Variants in EDIL3 observed in about 807,000 individuals in gnomAD.
EDIL3 encodes the protein EGF like and discoidin domains 3, also known as EGF-like repeat and discoidin I-like domain-containing protein 3.
Under a neutral mutation model 67.4 loss-of-function variants are expected in EDIL3, and 37 were observed. That is an observed-to-expected ratio of 0.55 (90% CI 0.42 to 0.72). The LOEUF is 0.72. Ranked by LOEUF, EDIL3 falls within the 30% of genes least tolerant of loss-of-function variation. The pLI, the probability that EDIL3 is intolerant of heterozygous loss-of-function variation, is 0.00. For missense variants in EDIL3, 527 were observed against 586.3 expected (o/e 0.90, Z 1.04); for synonymous variants, 195 against 196.3 (o/e 0.99, Z 0.05).
chr5:84,157,110 T>C (rs541073762), intron 4 of EDIL3, among the ~76,000 whole-genome samples: 1 of 152,254 alleles, frequency 6.6e-6, no homozygotes, highest in South Asian at 2.1e-4. Context: ...AGGATGTTTT[T>C]TTACCATTTT....
At chr5:84,343,702 C>T (rs1408055795) in intron 1 of EDIL3, among the ~76,000 whole-genome samples, 1 of 151,996 alleles carries the variant, frequency 6.6e-6, no homozygotes, top group African/African-American at 2.4e-5. Context: ...GATGTGTCTA[C>T]AGGAGACGTC....
At chr5:84,030,191 T>C (rs1034201015) in intron 9 of EDIL3, among the ~76,000 whole-genome samples, 2 of 152,228 alleles carry the variant, frequency 1.3e-5, no homozygotes, top group Non-Finnish European at 2.9e-5. Flanking sequence ...AAGATACTTT[T>C]GTTTTTCTTT....
intron 4 of EDIL3, among the ~76,000 whole-genome samples, chr5:84,166,188 C>T (rs1748700070): frequency 6.6e-6 from 1 of 152,166 alleles, no homozygotes; most frequent in African/African-American, 2.4e-5. Flanking sequence ...ATCTAATAAA[C>T]ACTGACAATC....
Position 84,130,424 on chromosome 5 carries a change from T to C in EDIL3, c.469+6817A>G, listed in dbSNP as rs555616996. On this transcript the variant is annotated intron_variant, in intron 5 of 10. Coordinates refer to ENST00000296591, the MANE Select transcript of EDIL3 (RefSeq NM_005711.5). ...CTAAGAAAAGCTCAGTAAATATTTGTGGCTAGTTTATTTGATCATATAATT... is the reference window on the plus strand; with the variant it reads ...CTAAGAAAAGCTCAGTAAATATTTGCGGCTAGTTTATTTGATCATATAATT... Among the ~76,000 whole-genome samples the C allele has an allele frequency of 2.6e-5, 4 of 152,286 alleles. No homozygotes were observed. The East Asian group carries it at 7.7e-4, about 29-fold the overall frequency.
chr5:84,057,483 G>T (rs1200579209), intron 9 of EDIL3, among the ~76,000 whole-genome samples: 2 of 151,924 alleles, frequency 1.3e-5, no homozygotes, highest in Non-Finnish European at 2.9e-5. Flanking sequence ...TACATGACTG[G>T]AATATTTACA....
intron 6 of EDIL3, among the ~76,000 whole-genome samples, chr5:84,091,808 C>A (rs970071589): frequency 1.3e-5 from 2 of 152,136 alleles, no homozygotes; most frequent in Admixed American, 1.3e-4. Flanking sequence ...TTGCAAGAAG[C>A]CCTGATGCAG....
chr5:84,182,435 G>C (rs1442423098), intron 3 of EDIL3, among the ~76,000 whole-genome samples: 1 of 151,442 alleles, frequency 6.6e-6, no homozygotes, highest in African/African-American at 2.4e-5. Flanking sequence ...CAGCCTGTGT[G>C]ACAGAATGAG....
At chr5:84,100,598 G>A (rs983184913) in intron 6 of EDIL3, among the ~76,000 whole-genome samples, 3 of 152,048 alleles carry the variant, frequency 2.0e-5, no homozygotes, top group Non-Finnish European at 2.9e-5. Context: ...GGGAGGGATC[G>A]CATTAGGAGA....
At chr5:84,038,236 C>T (rs1746059305) in intron 9 of EDIL3, among the ~76,000 whole-genome samples, 1 of 152,016 alleles carries the variant, frequency 6.6e-6, no homozygotes, top group African/African-American at 2.4e-5. Context: ...GGCCAGTCTG[C>T]ACCCAGCCTA....
chr5:84,321,559 A>C (rs774224337), intron 1 of EDIL3, among the ~76,000 whole-genome samples: 44 of 152,286 alleles, frequency 2.9e-4, no homozygotes, highest in Non-Finnish European at 5.6e-4. Flanking sequence ...AGCTCTTAGC[A>C]CAATAGCAGC....
At position 84,122,158 on chromosome 5, in the gene EDIL3, CTAAGA is replaced by C. The variant is rs1017367357; in HGVS notation, c.469+15078_469+15082del. Reference sequence around the variant, plus strand: ...CATCCAATATCTTTCTCTTCTGCAACTAAGATAAGTAATATCTAAATGTGTTGATT... The same window carrying C: ...CATCCAATATCTTTCTCTTCTGCAACTAAGTAATATCTAAATGTGTTGATT... On this transcript the variant is annotated intron_variant, in intron 5 of 10. Coordinates refer to ENST00000296591, the MANE Select transcript of EDIL3 (RefSeq NM_005711.5). Among the ~76,000 whole-genome samples, 8 of 152,074 alleles carry C rather than the reference CTAAGA, an allele frequency of 5.3e-5. 1 individual carries two copies. The highest frequency in any genetic ancestry group is 2.0e-4 in the Admixed American group (3 of 15,254).
intron 1 of EDIL3, among the ~76,000 whole-genome samples, chr5:84,326,773 A>C: frequency 6.6e-6 from 1 of 151,956 alleles, no homozygotes; most frequent in Middle Eastern, 3.4e-3. Flanking sequence ...TATTTCAGCT[A>C]CTTTTATCTT....
chr5:84,323,155 A>T (rs1746684115), intron 1 of EDIL3, among the ~76,000 whole-genome samples: 1 of 152,044 alleles, frequency 6.6e-6, no homozygotes, highest in Non-Finnish European at 1.5e-5. Flanking sequence ...TATTATTGTA[A>T]CTTTGGTTTG....
intron 5 of EDIL3, among the ~76,000 whole-genome samples, chr5:84,135,725 C>A (rs943273021): frequency 6.6e-6 from 1 of 152,130 alleles, no homozygotes; most frequent in Non-Finnish European, 1.5e-5. Context: ...TATGGTCAAC[C>A]TACTTACTCA....
Position 84,141,928 on chromosome 5 carries a change from T to TATATATATATATATATAC in EDIL3, c.356-4575_356-4574insGTATATATATATATATAT, listed in dbSNP as rs1748200269. Among the ~76,000 whole-genome samples, 29 of 121,298 alleles carry TATATATATATATATATAC rather than the reference T, an allele frequency of 2.4e-4. 2 individuals are homozygous for TATATATATATATATATAC. The highest frequency in any genetic ancestry group is 6.1e-4 in the Admixed American group (7 of 11,516). The allele number at this position is 121,298 out of a possible 152,430, so 79.6% of individuals were successfully genotyped here. ...ACTCATATATATATATATATACACA[T>TATATATATATATATATAC]ATATATATATATATATATACATAGA... On this transcript the variant is annotated intron_variant, in intron 4 of 10. Coordinates refer to ENST00000296591, the MANE Select transcript of EDIL3 (RefSeq NM_005711.5).
intron 1 of EDIL3, among the ~76,000 whole-genome samples, chr5:84,306,226 A>C (rs1424729375): frequency 6.6e-6 from 1 of 152,224 alleles, no homozygotes; most frequent in African/African-American, 2.4e-5. Context: ...TCATTGGCTT[A>C]AGCTAAGCAC....
intron 3 of EDIL3, among the ~76,000 whole-genome samples, chr5:84,202,069 A>G (rs553829459): frequency 1.3e-5 from 2 of 152,310 alleles, no homozygotes; most frequent in South Asian, 4.1e-4. Context: ...TTAAATACAC[A>G]TGGTAGGACT....
chr5:84,231,095 T>C (rs1292429671), intron 2 of EDIL3, among the ~76,000 whole-genome samples: 1 of 152,156 alleles, frequency 6.6e-6, no homozygotes, highest in African/African-American at 2.4e-5. Context: ...GTAGCCAGGA[T>C]TGAGGTATTA....
intron 9 of EDIL3, among the ~76,000 whole-genome samples, chr5:83,969,193 C>T (rs914643199): frequency 6.6e-6 from 1 of 151,252 alleles, no homozygotes; most frequent in Non-Finnish European, 1.5e-5. Context: ...CTTATTTATA[C>T]CTAGTATGTC....
Sources: gnomAD v4.1 joint callset for allele counts (sites outside exome capture counted in the v4.1 genomes callset) on GRCh38, gnomAD v4.1.1 for gene constraint, MANE v1.5 for transcripts, NCBI Gene and HGNC (gene_info 2026-07-23, HGNC 2026-07-21) for gene names.